TGFBR3: variants seen among roughly 807,000 people sequenced by gnomAD.
The protein encoded by TGFBR3 is transforming growth factor beta receptor type 3.
Under a neutral mutation model 87.9 loss-of-function variants are expected in TGFBR3, and 46 were observed. The observed-to-expected ratio is 0.52, with a 90% CI of 0.41 to 0.67. TGFBR3 has a LOEUF of 0.67. TGFBR3 is among the 30% of genes least tolerant of loss of function. The pLI is 0.00. For missense variants in TGFBR3, 866 were observed against 1,041.9 expected (o/e 0.83, Z 2.32); for synonymous variants, 381 against 391.6 (o/e 0.97, Z 0.32).
intron 16 of TGFBR3, among the ~76,000 whole-genome samples, chr1:91,688,531 G>A (rs2810891): frequency 0.13 from 19,492 of 151,998 alleles, 1,360 homozygotes; most frequent in South Asian, 0.25. Context: ...TAGGGTGAGC[G>A]TACTTAAAAC....
intron 3 of TGFBR3, among the ~76,000 whole-genome samples, chr1:91,771,567 G>A (rs1006230666): frequency 2.6e-5 from 4 of 151,902 alleles, no homozygotes; most frequent in South Asian, 2.1e-4. Flanking sequence ...TTAGCCGGGC[G>A]TGGTGGCGGG....
intron 14 of TGFBR3, among the ~76,000 whole-genome samples, chr1:91,707,849 T>C (rs1282339319): frequency 2.0e-5 from 3 of 152,234 alleles, no homozygotes; most frequent in African/African-American, 7.2e-5. Flanking sequence ...TGGTGTGTCC[T>C]TGCTTGTTTA....
intron 4 of TGFBR3, 145 bp downstream of exon 4, chr1:91,758,468 C>A: frequency 1.0e-6 from 1 of 980,768 alleles, no homozygotes; most frequent in Non-Finnish European, 1.6e-6. Flanking sequence ...ATCCAAATAT[C>A]ACTAAGTGCA....
intron 4 of TGFBR3, among the ~76,000 whole-genome samples, chr1:91,755,528 T>G (rs534529362): frequency 2.4e-4 from 37 of 152,210 alleles, no homozygotes; most frequent in Non-Finnish European, 4.7e-4. Context: ...CCTTGACTTC[T>G]CCTGATGCTG....
At position 91,797,481 on chromosome 1, in the gene TGFBR3, G is replaced by GA. The variant is rs1443829780; in HGVS notation, c.62-11dup. 6.8e-6 allele frequency: 11 copies of GA among 1,613,958 alleles called. No homozygotes were observed. The highest frequency in any genetic ancestry group is 9.3e-6 in the Non-Finnish European group (11 of 1,179,966). ...GCACCAGGCTCTGGACCTGCCAAGG[G>GA]AATCACAAACACAAGCCACTCAGAA... On this transcript the variant is annotated splice_polypyrimidine_tract_variant and intron_variant, in intron 2 of 16. Coordinates refer to ENST00000212355, the MANE Select transcript of TGFBR3 (RefSeq NM_003243.5).
At chr1:91,847,375 AG>A (rs1003432190) in intron 2 of TGFBR3, among the ~76,000 whole-genome samples, 1 of 152,078 alleles carries the variant, frequency 6.6e-6, no homozygotes, top group Non-Finnish European at 1.5e-5. Context: ...AGGATGAGGC[AG>A]GCAGATCACC....
chr1:91,770,434 T>C (rs1231300750), intron 3 of TGFBR3, among the ~76,000 whole-genome samples: 1 of 152,148 alleles, frequency 6.6e-6, no homozygotes, highest in East Asian at 1.9e-4. Context: ...AATAAGAAAC[T>C]ACAGCATACT....
intron 2 of TGFBR3, among the ~76,000 whole-genome samples, chr1:91,820,874 A>C (rs1162838447): frequency 6.6e-6 from 1 of 152,200 alleles, no homozygotes; most frequent in Non-Finnish European, 1.5e-5. Flanking sequence ...ATGCACATAC[A>C]TGCATAGAAA....
chr1:91,688,837 T>C (rs1271305983), intron 16 of TGFBR3, among the ~76,000 whole-genome samples: 1 of 151,958 alleles, frequency 6.6e-6, no homozygotes, highest in Non-Finnish European at 1.5e-5. Flanking sequence ...CTGAGGTTTC[T>C]CCAGGTTCCC....
chr1:91,730,981 G>A (rs1290695498), intron 5 of TGFBR3, among the ~76,000 whole-genome samples: 2 of 152,246 alleles, frequency 1.3e-5, no homozygotes, highest in Non-Finnish European at 2.9e-5. Flanking sequence ...CATTTACACA[G>A]CACGGCGGCT....
upstream of TGFBR3, among the ~76,000 whole-genome samples, chr1:91,889,807 A>G (rs1271457940): frequency 1.3e-5 from 2 of 150,200 alleles, no homozygotes; most frequent in Admixed American, 6.7e-5. Context: ...CAGCCTCTCA[A>G]GTAGCTGGGA....
chr1:91,822,834 G>C (rs1676501069), intron 2 of TGFBR3, among the ~76,000 whole-genome samples: 1 of 152,172 alleles, frequency 6.6e-6, no homozygotes, highest in South Asian at 2.1e-4. Context: ...GCTGAGGTGG[G>C]AGGACTGCTT....
chr1:91,689,118 C>T (rs559841958), intron 16 of TGFBR3, among the ~76,000 whole-genome samples: 3 of 152,292 alleles, frequency 2.0e-5, no homozygotes, highest in Admixed American at 2.0e-4. Context: ...AAACAAAGCA[C>T]CTCCCGGAGC....
chr1:91,877,260 A>C (rs1170815060), intron 1 of TGFBR3, among the ~76,000 whole-genome samples: 2 of 152,084 alleles, frequency 1.3e-5, no homozygotes, highest in African/African-American at 2.4e-5. Context: ...AAAAGCCCTA[A>C]CCAGCATGGT....
rs3039475 is a variant in TGFBR3 at position 91,837,221 on chromosome 1, A to ATTATTTAT, written c.61+24242_61+24249dup. ...CTTCATGAAGACTATAAGTAAGGAT[A>ATTATTTAT]TTATTTATTTATTTATTTATTTATT... On this transcript the variant is annotated intron_variant, in intron 2 of 16. Transcript: ENST00000212355. 6.5e-3 allele frequency among the ~76,000 whole-genome samples: 977 copies of ATTATTTAT among 149,428 alleles called. 5 individuals carry two copies. The highest frequency in any genetic ancestry group is 0.014 in the African/African-American group (586 of 40,526).
intron 2 of TGFBR3, 57 bp from the exon 3 acceptor site, chr1:91,797,528 A>C: frequency 6.3e-7 from 1 of 1,582,818 alleles, no homozygotes; most frequent in Non-Finnish European, 8.7e-7. Context: ...TTCTGCCCCA[A>C]AGGGGCAAGG....
intron 1 of TGFBR3, among the ~76,000 whole-genome samples, chr1:91,880,899 A>G (rs943815921): frequency 2.7e-5 from 4 of 149,776 alleles, no homozygotes; most frequent in Non-Finnish European, 5.9e-5. Context: ...GATTATATAT[A>G]TGTGAGATTT....
At chr1:91,794,336 T>A (rs1675298478) in intron 3 of TGFBR3, among the ~76,000 whole-genome samples, 1 of 152,064 alleles carries the variant, frequency 6.6e-6, no homozygotes, top group African/African-American at 2.4e-5. Flanking sequence ...CCCAAGTAGC[T>A]ACGACTACAG....
intron 4 of TGFBR3, among the ~76,000 whole-genome samples, chr1:91,738,084 T>C (rs1332708976): frequency 6.6e-6 from 1 of 152,212 alleles, no homozygotes; most frequent in Non-Finnish European, 1.5e-5. Flanking sequence ...ACCTGATGGC[T>C]TTCAAACTGG....
Sources: gnomAD v4.1 joint callset for allele counts (sites outside exome capture counted in the v4.1 genomes callset) on GRCh38, gnomAD v4.1.1 for gene constraint, MANE v1.5 for transcripts, NCBI Gene and HGNC (gene_info 2026-07-23, HGNC 2026-07-21) for gene names.